The following SULT1B1 variants were observed in gnomAD, a reference collection of about 807,000 sequenced individuals.
SULT1B1 encodes sulfotransferase 1B1.
A neutral mutation model predicts 34.6 loss-of-function variants in SULT1B1; 28 were observed. That is an observed-to-expected ratio of 0.81 (90% CI 0.60 to 1.11). The LOEUF (loss-of-function observed/expected upper bound fraction) is 1.11, where lower values mean the gene tolerates loss of function less well. SULT1B1 is among the 50% of genes least tolerant of loss of function. The probability of loss-of-function intolerance (pLI) is 0.00; values close to 1 mark genes in which losing one functional copy is unlikely to be tolerated. For missense variants in SULT1B1, 374 were observed against 352.2 expected (o/e 1.06, Z -0.50); for synonymous variants, 147 against 110.2 (o/e 1.33, Z -2.09).
chr4:69,733,621 AAT>A, intron 5 of SULT1B1, 114 bp from the exon 6 acceptor site: 1 of 720,808 alleles, frequency 1.4e-6, no homozygotes, highest in Non-Finnish European at 2.2e-6. Context: ...AGGAAGTAAG[AAT>A]ATGAGGACAA....
At chr4:69,740,317 G>A (rs575000830) in intron 4 of SULT1B1, among the ~76,000 whole-genome samples, 1 of 152,286 alleles carries the variant, frequency 6.6e-6, no homozygotes, top group Admixed American at 6.5e-5. Flanking sequence ...CAAGGCCCCA[G>A]GAAACTTACA....
intron 4 of SULT1B1, among the ~76,000 whole-genome samples, chr4:69,741,135 A>G (rs148893124): frequency 1.3e-5 from 2 of 152,312 alleles, no homozygotes; most frequent in Admixed American, 1.3e-4. Context: ...CATTGATTGA[A>G]TAGAGTTATT....
rs1719350959 is a variant in SULT1B1 at position 69,760,497 on chromosome 4, G to A, written c.-83C>T. Reference sequence around the variant, plus strand: ...CCCTTTGTTCAGTTTTCATTTTCAGGCAGTGAAGCTGCTGTAGAGTAACCA... The same window carrying A: ...CCCTTTGTTCAGTTTTCATTTTCAGACAGTGAAGCTGCTGTAGAGTAACCA... On this transcript the variant is annotated 5_prime_UTR_variant, in exon 1 of 8. Transcript: ENST00000310613. 6.6e-6 allele frequency: 1 copy of A among 152,178 alleles called. No homozygotes were observed. The allele number at this position is 152,178 out of a possible 1,614,324, so 9.4% of individuals were successfully genotyped here.
intron 4 of SULT1B1, among the ~76,000 whole-genome samples, chr4:69,746,835 T>C (rs1718767090): frequency 6.6e-6 from 1 of 152,356 alleles, no homozygotes; most frequent in Middle Eastern, 3.4e-3. Context: ...AATGTTTCTT[T>C]AATCTTTAAA....
At chr4:69,729,706 A>G (rs1201582615) in intron 7 of SULT1B1, among the ~76,000 whole-genome samples, 1 of 152,110 alleles carries the variant, frequency 6.6e-6, no homozygotes, top group East Asian at 1.9e-4. Flanking sequence ...AATATGCATA[A>G]TACATTCCTA....
Position 69,733,397 on chromosome 4 carries a change from A to G in SULT1B1, c.597+16T>C, listed in dbSNP as rs375501013. On this transcript the variant is annotated intron_variant, in intron 6 of 7. Transcript: ENST00000310613. ...GCAGTGGGGAAATTATCCAGAATCC[A>G]TATCTACCATTTTACCTCTTTCATA... is the stretch of plus-strand genomic sequence containing the variant. The G allele has an allele frequency of 6.4e-5, 100 of 1,551,822 alleles. No individual in the cohort carries two copies. In the African/African-American group the frequency reaches 8.9e-4, roughly 14 times the overall value.
chr4:69,745,450 T>C (rs1718713975), intron 4 of SULT1B1, among the ~76,000 whole-genome samples: 3 of 152,262 alleles, frequency 2.0e-5, no homozygotes, highest in African/African-American at 7.2e-5. Context: ...CTTTTATCAT[T>C]GTATAATATT....
intron 4 of SULT1B1, among the ~76,000 whole-genome samples, 177 bp from the exon 5 acceptor site, chr4:69,734,441 C>T (rs1438815151): frequency 6.6e-6 from 1 of 152,118 alleles, no homozygotes; most frequent in African/African-American, 2.4e-5. Flanking sequence ...ATTTTCAATA[C>T]AGCAATGCAT....
intron 4 of SULT1B1, among the ~76,000 whole-genome samples, chr4:69,739,747 T>C (rs1718467492): frequency 6.6e-6 from 1 of 152,248 alleles, no homozygotes; most frequent in African/African-American, 2.4e-5. Flanking sequence ...TTTTCTTTTC[T>C]ACTGCATCAT....
At chr4:69,759,305 A>G (rs1251346519) in intron 1 of SULT1B1, among the ~76,000 whole-genome samples, 1 of 152,282 alleles carries the variant, frequency 6.6e-6, no homozygotes, top group African/African-American at 2.4e-5. Context: ...CATACTGAAA[A>G]TTTACCGTAG....
chr4:69,749,769 A>G lies in SULT1B1; in HGVS notation c.327T>C (p.His109=). The change falls in exon 4 of 8, where the codon CAT becomes CAC. Residue 109 remains histidine, a synonymous_variant. Coordinates refer to ENST00000310613, the MANE Select transcript of SULT1B1 (RefSeq NM_014465.4). The stretch of plus-strand genomic sequence containing the variant: ...ATTTAGGAAGAAGATCAGTCGGTAG[A>G]TGTGTTTTCACAATCCGGGGTGATG... The part of the protein sequence containing the change: ...KNPSPRIVKT[H]LPTDLLPKSF... 6.2e-7 allele frequency: 1 copy of G among 1,613,698 alleles called. No individual in the cohort carries two copies. The highest frequency in any genetic ancestry group is 8.5e-7 in the Non-Finnish European group (1 of 1,179,688).
rs1200234498 is a variant in SULT1B1 at position 69,725,399 on chromosome 4, A to T, written c.*1689T>A. On this transcript the variant is annotated 3_prime_UTR_variant, in exon 8 of 8. Transcript: ENST00000310613. ...GGTGCTGGAAAGGATGTGGAGAAAT[A>T]GGAACACTTTTACACTTTTGGTGGG... 2 of 152,200 alleles carry T rather than the reference A, an allele frequency of 1.3e-5. No homozygotes were observed. The highest frequency in any genetic ancestry group is 2.9e-5 in the Non-Finnish European group (2 of 68,044). 9.4% of individuals were successfully genotyped at this position (152,200 alleles called of 1,614,324 possible).
At chr4:69,728,884 A>C (rs13116773) in intron 7 of SULT1B1, among the ~76,000 whole-genome samples, 1 of 152,034 alleles carries the variant, frequency 6.6e-6, no homozygotes, top group Non-Finnish European at 1.5e-5. Flanking sequence ...TGTAGCCTGG[A>C]TAAACCTCAG....
chr4:69,750,669 G>C (rs781185892), intron 3 of SULT1B1, among the ~76,000 whole-genome samples: 1 of 152,128 alleles, frequency 6.6e-6, no homozygotes, highest in Non-Finnish European at 1.5e-5. Context: ...AAGTCATTCA[G>C]CCTATTACAT....
At chr4:69,746,020 C>T (rs1224043472) in intron 4 of SULT1B1, among the ~76,000 whole-genome samples, 2 of 152,122 alleles carry the variant, frequency 1.3e-5, no homozygotes, top group East Asian at 3.9e-4. Flanking sequence ...TTTAGGAATA[C>T]AGAATATGGG....
At chr4:69,753,543 A>C (rs917861831) in intron 3 of SULT1B1, among the ~76,000 whole-genome samples, 15 of 152,152 alleles carry the variant, frequency 9.9e-5, no homozygotes, top group African/African-American at 3.1e-4. Context: ...ATTGTTTTGC[A>C]TCCCACTTTT....
rs1408155870 is a variant in SULT1B1 at position 69,725,218 on chromosome 4, A to T, written c.*1870T>A. The T allele has an allele frequency of 6.6e-6, 1 of 152,194 alleles. No homozygotes were observed. The highest frequency in any genetic ancestry group is 2.4e-5 in the African/African-American group (1 of 41,440). 9.4% of individuals were successfully genotyped at this position (152,194 alleles called of 1,614,324 possible). The stretch of plus-strand genomic sequence containing the variant: ...ATCAACAAGTGTGCAAAGAATATGA[A>T]CAGATACTTCTCAAAAGAAGACATT... On this transcript the variant is annotated 3_prime_UTR_variant, in exon 8 of 8. Coordinates refer to ENST00000310613, the MANE Select transcript of SULT1B1 (RefSeq NM_014465.4).
intron 1 of SULT1B1, among the ~76,000 whole-genome samples, chr4:69,759,573 A>G (rs1298672898): frequency 6.6e-6 from 1 of 152,200 alleles, no homozygotes; most frequent in African/African-American, 2.4e-5. Flanking sequence ...TAGGCATCAA[A>G]CAGCATTACC....
rs1054690414 is a variant in SULT1B1 at position 69,749,730 on chromosome 4, GT to G, written c.365del (p.Asn122ThrfsTer5). ...GGAGTCTGGAGTATACCTTGCAATT[GT>G]TTTCCCAGAAAGATTTAGGAAGAAG... ...TDLLPKSFWE[N>X]NCKMIYLARN... On this transcript the variant is annotated frameshift_variant, in exon 4 of 8. Coordinates refer to ENST00000310613, the MANE Select transcript of SULT1B1 (RefSeq NM_014465.4). LOFTEE classifies it high-confidence loss of function. 23 of 1,612,786 alleles carry G rather than the reference GT, an allele frequency of 1.4e-5. No homozygotes were observed. Among genetic ancestry groups the G allele is most frequent in the Non-Finnish European group, 2.0e-5 (23 of 1,179,022 alleles).
Sources: allele counts gnomAD v4.1 joint callset (sites outside exome capture counted in the v4.1 genomes callset), GRCh38; gene constraint gnomAD v4.1.1; transcripts MANE v1.5; gene names NCBI Gene and HGNC (gene_info 2026-07-23, HGNC 2026-07-21).